DISP1: variants seen among roughly 807,000 people sequenced by gnomAD.
DISP1 encodes protein dispatched homolog 1.
Under a neutral mutation model 37.3 loss-of-function variants are expected in DISP1, and 30 were observed. The ratio of observed to expected loss-of-function variants is 0.80; its 90% confidence interval spans 0.60 to 1.09. The LOEUF (loss-of-function observed/expected upper bound fraction) is 1.09, where lower values mean the gene tolerates loss of function less well. Ranked by LOEUF, DISP1 falls within the 50% of genes least tolerant of loss-of-function variation. DISP1 has a pLI of 0.00. For missense variants in DISP1, 1,598 were observed against 1,879.5 expected, an observed-to-expected ratio of 0.85 and a Z score of 2.77; for synonymous variants, 634 against 690.2, an observed-to-expected ratio of 0.92 and a Z score of 1.28.
Position 223,004,541 on chromosome 1 carries a change from G to A in DISP1, c.3144G>A (p.Leu1048=). Residue 1048 remains leucine (L), a synonymous_variant, in exon 9 of 9, where the codon TTG becomes TTA. Transcript: ENST00000675850. The surrounding 1 kb of genome is among the most constrained non-coding windows in gnomAD (Gnocchi z 4.9). Reference sequence around the variant, plus strand: ...TCACCATTTCGGTTGCCGTCGGCTTGTCTGTAGACTTTGCCGTCCATTATG... The same window carrying A: ...TCACCATTTCGGTTGCCGTCGGCTTATCTGTAGACTTTGCCGTCCATTATG... ...ESVTISVAVG[L]SVDFAVHYGV... is the part of the protein sequence containing the mutation. The A allele has an allele frequency of 6.2e-7, 1 of 1,614,204 alleles. No homozygotes were observed. Among genetic ancestry groups the A allele is most frequent in the Non-Finnish European group, 8.5e-7 (1 of 1,180,036 alleles).
intron 3 of DISP1, among the ~76,000 whole-genome samples, chr1:222,969,704 T>C (rs972604931): frequency 2.6e-5 from 4 of 152,008 alleles, no homozygotes; most frequent in Admixed American, 1.3e-4. Context: ...AGTGTGATCA[T>C]AATTTTGTTT....
chr1:223,005,024 T>C lies in DISP1; in HGVS notation c.3627T>C (p.Thr1209=). The C allele has an allele frequency of 6.2e-7, 1 of 1,614,118 alleles. No individual in the cohort carries two copies. The highest frequency in any genetic ancestry group is 1.1e-5 in the South Asian group (1 of 91,080). Residue 1209 remains threonine, a synonymous_variant, in exon 9 of 9, where the codon ACT becomes ACC. Transcript: ENST00000675850. ...SHSCTAPEKT[T]YEETHICSEF... ...GCTGCACTGCCCCTGAGAAGACCAC[T>C]TATGAAGAGACCCACATCTGCTCTG...
chr1:222,943,316 C>T lies in DISP1; in HGVS notation c.493C>T (p.His165Tyr), dbSNP rs1558345887. ...TTTTCAGCATCAGCCTGTGCAACAG[C>T]ACATAGCCAACATAAGGTAAGTGAT... ...DHFQHQPVQQHIANIRPSRPF... is the reference protein window; with the variant it reads ...DHFQHQPVQQYIANIRPSRPF... Residue 165 changes from histidine (H) to tyrosine (Y), a missense_variant, in exon 3 of 9, where the codon CAC (histidine) becomes TAC (tyrosine). His to Tyr is a moderately conservative substitution (Grantham distance 83). Coordinates refer to ENST00000675850, the MANE Select transcript of DISP1 (RefSeq NM_001377229.1). 1 of 1,614,238 alleles carries T rather than the reference C, an allele frequency of 6.2e-7. No homozygotes were observed. The highest frequency in any genetic ancestry group is 1.1e-5 in the South Asian group (1 of 91,086).
chr1:222,845,244 A>C (rs754156626), intron 1 of DISP1, among the ~76,000 whole-genome samples: 7 of 152,208 alleles, frequency 4.6e-5, no homozygotes, highest in Non-Finnish European at 8.8e-5. Context: ...ATGCCAAAGA[A>C]AGGCACAGTG....
In DISP1 at chr1:223,003,103, T is replaced by G; in HGVS notation, c.1706T>G (p.Ile569Ser). The G allele has an allele frequency of 6.2e-7, 1 of 1,614,192 alleles. No individual in the cohort carries two copies. The highest frequency in any genetic ancestry group is 8.5e-7 in the Non-Finnish European group (1 of 1,180,026). Residue 569 changes from isoleucine (I) to serine (S), a missense_variant, in exon 9 of 9, where the codon ATT becomes AGT. Ile to Ser is a moderately radical substitution (Grantham distance 142). Coordinates refer to ENST00000675850, the MANE Select transcript of DISP1 (RefSeq NM_001377229.1). This position sits in a 1 kb window ranked among gnomAD's most constrained non-coding sequence, Gnocchi z 4.3. ...ACTGCCCTCATTATTTTGGTTGGAA[T>G]TGGAGCAGATGATGCTTTTGTCCTG... Reference protein sequence around the residue: ...NLTALIILVGIGADDAFVLCD... With the variant: ...NLTALIILVGSGADDAFVLCD...
intron 1 of DISP1, among the ~76,000 whole-genome samples, chr1:222,878,829 AAG>A (rs1316157014): frequency 1.3e-5 from 2 of 152,198 alleles, no homozygotes; most frequent in Non-Finnish European, 2.9e-5. Flanking sequence ...AATTCTTAAA[AAG>A]ATCTTTAAGG....
At chr1:222,951,574 T>G (rs2609379) in intron 3 of DISP1, among the ~76,000 whole-genome samples, 74,198 of 152,056 alleles carry the variant, frequency 0.49, 19,245 homozygotes, top group African/African-American at 0.67. Flanking sequence ...ATGAACCTGA[T>G]CATTGACGCA....
chr1:222,819,538 C>CTTTTTTTT, intron 1 of DISP1, among the ~76,000 whole-genome samples: 1 of 118,296 alleles, frequency 8.5e-6, no homozygotes, highest in African/African-American at 3.1e-5. Flanking sequence ...ACACACATAT[C>CTTTTTTTT]TTTTTTTTTT....
intron 1 of DISP1, among the ~76,000 whole-genome samples, chr1:222,876,744 G>A (rs1572403657): frequency 1.3e-5 from 2 of 152,148 alleles, no homozygotes; most frequent in African/African-American, 4.8e-5. Context: ...TAGTAATAGT[G>A]TAAGACATTC....
chr1:222,836,125 T>G (rs1028169930), intron 1 of DISP1, among the ~76,000 whole-genome samples: 1 of 152,160 alleles, frequency 6.6e-6, no homozygotes, highest in Non-Finnish European at 1.5e-5. Context: ...GGTACTAGAA[T>G]CTTTAAGTGA....
chr1:222,821,901 A>AT, intron 1 of DISP1, among the ~76,000 whole-genome samples: 1 of 145,982 alleles, frequency 6.9e-6, no homozygotes, highest in Non-Finnish European at 1.5e-5. Context: ...AAAAAAAAAA[A>AT]GTGGCAGTTT....
chr1:222,884,869 G>A (rs1670490362), intron 1 of DISP1, among the ~76,000 whole-genome samples: 1 of 152,062 alleles, frequency 6.6e-6, no homozygotes, highest in Non-Finnish European at 1.5e-5. Context: ...ACGGAGTCTC[G>A]CTGTGTGCCC....
intron 2 of DISP1, among the ~76,000 whole-genome samples, chr1:222,936,710 T>TTA (rs1553331508): frequency 6.8e-5 from 7 of 103,592 alleles, no homozygotes; most frequent in African/African-American, 2.0e-4. Context: ...ATCATATATA[T>TTA]TATATATCAT....
In DISP1 at chr1:222,983,092, T is replaced by A; in HGVS notation, c.522T>A (p.Pro174=). 1 of 1,606,268 alleles carries A rather than the reference T, an allele frequency of 6.2e-7. No individual in the cohort carries two copies. Among genetic ancestry groups the A allele is most frequent in the Non-Finnish European group, 8.5e-7 (1 of 1,174,070 alleles). The part of the protein sequence containing the change: ...QHIANIRPSR[P]FKLPKSYAAL... The stretch of plus-strand genomic sequence containing the variant: ...TTTTTTTTTTCAGACCATCCAGACC[T>A]TTCAAGTTGCCAAAAAGGTAAAGTA... Residue 174 remains proline, a synonymous_variant, in exon 4 of 9, where the codon CCT becomes CCA. Coordinates refer to ENST00000675850, the MANE Select transcript of DISP1 (RefSeq NM_001377229.1).
At chr1:222,892,260 G>A (rs1020594912) in intron 1 of DISP1, among the ~76,000 whole-genome samples, 5 of 152,168 alleles carry the variant, frequency 3.3e-5, no homozygotes, top group South Asian at 2.1e-4. Flanking sequence ...GACACAGAGA[G>A]TCAAAGGTTA....
At chr1:222,865,319 A>T (rs1669121995) in intron 1 of DISP1, among the ~76,000 whole-genome samples, 1 of 152,158 alleles carries the variant, frequency 6.6e-6, no homozygotes, top group Admixed American at 6.5e-5. Context: ...TATATTATTA[A>T]GACTTTTTCA....
intron 1 of DISP1, among the ~76,000 whole-genome samples, chr1:222,826,280 G>A (rs1377323665): frequency 6.7e-6 from 1 of 150,082 alleles, no homozygotes; most frequent in East Asian, 2.0e-4. Flanking sequence ...GTGTAGTGTA[G>A]AAATATTCCA....
intron 3 of DISP1, among the ~76,000 whole-genome samples, chr1:222,957,263 CT>C (rs975567740): frequency 1.1e-4 from 16 of 151,910 alleles, no homozygotes; most frequent in African/African-American, 3.1e-4. Flanking sequence ...TCTTCTCCCC[CT>C]GATAAGTGGC....
At chr1:222,823,170 A>G (rs887661701) in intron 1 of DISP1, among the ~76,000 whole-genome samples, 7 of 152,246 alleles carry the variant, frequency 4.6e-5, no homozygotes, top group African/African-American at 1.4e-4. Flanking sequence ...CAGCAATCCC[A>G]CTACTGAGTA....
Sources: allele counts gnomAD v4.1 joint callset (sites outside exome capture counted in the v4.1 genomes callset), GRCh38; gene constraint gnomAD v4.1.1; non-coding constraint Gnocchi (gnomAD v3.1); transcripts MANE v1.5; gene names NCBI Gene and HGNC (gene_info 2026-07-23, HGNC 2026-07-21).